DST: variants seen among roughly 807,000 people sequenced by gnomAD.
DST encodes dystonin.
DST carries 253 observed loss-of-function variants against 875.2 expected under a neutral mutation model. The ratio of observed to expected loss-of-function variants is 0.29; its 90% CI spans 0.26 to 0.32. The LOEUF is 0.32. Ranked by LOEUF, DST falls within the 10% of genes least tolerant of loss-of-function variation. The pLI, the probability that DST is intolerant of heterozygous loss-of-function variation, is 1.00. For missense variants in DST, 8,287 were observed against 9,111.6 expected (o/e 0.91, Z 3.68); for synonymous variants, 3,124 against 3,197.1 (o/e 0.98, Z 0.77).
At chr6:56,744,237 CTCTAAA>C (rs1383063557) in intron 4 of DST, among the ~76,000 whole-genome samples, 2 of 151,450 alleles carry the variant, frequency 1.3e-5, no homozygotes, top group Non-Finnish European at 2.9e-5. Flanking sequence ...AGCTTAATGA[CTCTAAA>C]GAGTGGAGGG....
In DST at chr6:56,601,471, T is replaced by C; in HGVS notation, c.11513A>G (p.His3838Arg). 1 of 1,601,232 alleles carries C rather than the reference T, an allele frequency of 6.2e-7. No homozygotes were observed. The highest frequency in any genetic ancestry group is 8.5e-7 in the Non-Finnish European group (1 of 1,173,592). Residue 3838 changes from histidine (H) to arginine (R), a missense_variant, in exon 44 of 104, where the codon CAT (histidine) becomes CGT (arginine). His to Arg is a conservative substitution (Grantham distance 29, BLOSUM62 0). Coordinates refer to ENST00000680361, the MANE Select transcript of DST (RefSeq NM_001374736.1). Reference protein sequence around the residue: ...TQVERLETQLHLEQDLDDQKI... With the variant: ...TQVERLETQLRLEQDLDDQKI... ...CTGATCATCAAGATCTTGTTCTAGA[T>C]GTAACTGAGTCTCTAAACGTTCCAC... is the stretch of plus-strand genomic sequence containing the variant.
intron 13 of DST, among the ~76,000 whole-genome samples, chr6:56,648,173 T>C (rs114830211): frequency 0.012 from 1,895 of 152,144 alleles, 32 homozygotes; most frequent in African/African-American, 0.043. Context: ...AAAGAAGCAG[T>C]TTTTAACAGG....
Position 56,609,033 on chromosome 6 carries a change from T to C in DST, c.5595A>G (p.Thr1865=). The change falls in exon 40 of 104, where the codon ACA becomes ACG. Residue 1865 remains threonine (T), a synonymous_variant. Coordinates refer to ENST00000680361, the MANE Select transcript of DST (RefSeq NM_001374736.1). ...VLDALAQSMI[T]ESMAIKVLEI... Reference sequence around the variant, plus strand: ...CAAGAACTTTGATGGCCATGGATTCTGTTATCATGCTTTGAGCTAGAGCAT... The same window carrying C: ...CAAGAACTTTGATGGCCATGGATTCCGTTATCATGCTTTGAGCTAGAGCAT... 1 of 1,613,868 alleles carries C rather than the reference T, an allele frequency of 6.2e-7. No homozygotes were observed. Among genetic ancestry groups the C allele is most frequent in the Non-Finnish European group, 8.5e-7 (1 of 1,179,798 alleles).
intron 4 of DST, among the ~76,000 whole-genome samples, chr6:56,780,688 C>T (rs555471488): frequency 1.3e-5 from 2 of 151,216 alleles, no homozygotes; most frequent in Non-Finnish European, 3.0e-5. Context: ...CCTGTTCACT[C>T]TGATGGTAGT....
intron 4 of DST, among the ~76,000 whole-genome samples, chr6:56,824,375 G>A (rs13211879): frequency 0.12 from 18,149 of 152,196 alleles, 1,531 homozygotes; most frequent in Non-Finnish European, 0.18. Context: ...CCTCCCAGCC[G>A]CCTGCCTTGG....
At chr6:56,797,285 C>A (rs1350663084) in intron 4 of DST, among the ~76,000 whole-genome samples, 1 of 152,154 alleles carries the variant, frequency 6.6e-6, no homozygotes, top group African/African-American at 2.4e-5. Context: ...TGGCCTCTCT[C>A]CCTTTCCTCA....
At chr6:56,635,030 A>T (rs1042853718) in intron 24 of DST, 77 bp from the exon 25 acceptor site, 3 of 1,241,866 alleles carry the variant, frequency 2.4e-6, no homozygotes, top group Non-Finnish European at 3.5e-6. Context: ...ACACAAATTA[A>T]ACTTCATCAG....
At chr6:56,600,293 T>C (rs1023822722) in intron 44 of DST, 72 bp from the exon 45 acceptor site, 4 of 1,421,434 alleles carry the variant, frequency 2.8e-6, no homozygotes, top group Non-Finnish European at 3.9e-6. Flanking sequence ...TAGCTTCTTA[T>C]TAGAACACAT....
intron 69 of DST, among the ~76,000 whole-genome samples, chr6:56,525,542 G>T (rs996384364): frequency 3.3e-5 from 5 of 152,164 alleles, no homozygotes; most frequent in African/African-American, 1.2e-4. Flanking sequence ...CACAGAATCA[G>T]CTTGATTTAT....
At chr6:56,716,894 G>C (rs2099396398) in intron 5 of DST, among the ~76,000 whole-genome samples, 1 of 152,080 alleles carries the variant, frequency 6.6e-6, no homozygotes, top group African/African-American at 2.4e-5. Context: ...TAACAAGCAT[G>C]CAACCGACCG....
intron 2 of DST, among the ~76,000 whole-genome samples, chr6:56,916,778 T>TCACACACACACACACA (rs70989742): frequency 1.6e-4 from 15 of 91,352 alleles, no homozygotes; most frequent in East Asian, 3.5e-4. Flanking sequence ...TCTCTCTCTC[T>TCACACACACACACACA]CACACACACA....
intron 4 of DST, among the ~76,000 whole-genome samples, chr6:56,751,477 T>TTTAA (rs2099586940): frequency 6.6e-6 from 1 of 152,238 alleles, no homozygotes. Flanking sequence ...CAGCAGGCAT[T>TTTAA]CTTGTGATAT....
chr6:56,621,836 G>C (rs2098692822), intron 36 of DST, among the ~76,000 whole-genome samples: 1 of 152,160 alleles, frequency 6.6e-6, no homozygotes, highest in Non-Finnish European at 1.5e-5. Context: ...TCATTGAGAA[G>C]CTTTGGTGAA....
intron 93 of DST, among the ~76,000 whole-genome samples, chr6:56,472,669 C>T (rs148384705): frequency 6.6e-6 from 1 of 152,174 alleles, no homozygotes; most frequent in South Asian, 2.1e-4. Context: ...GCAGCAGGCA[C>T]TGGGCAGTCA....
intron 49 of DST, among the ~76,000 whole-genome samples, chr6:56,585,413 T>C (rs1216589470): frequency 6.6e-6 from 1 of 152,194 alleles, no homozygotes; most frequent in African/African-American, 2.4e-5. Flanking sequence ...TGATGGTAGT[T>C]TGTATTTCTG....
intron 4 of DST, among the ~76,000 whole-genome samples, chr6:56,811,229 G>A (rs1237545153): frequency 7.1e-6 from 1 of 140,302 alleles, no homozygotes; most frequent in African/African-American, 2.6e-5. Flanking sequence ...TGGGGAGCAT[G>A]TTCCCAGCCC....
At chr6:56,847,480 G>A (rs1300705727) in intron 4 of DST, among the ~76,000 whole-genome samples, 1 of 152,096 alleles carries the variant, frequency 6.6e-6, no homozygotes, top group Admixed American at 6.5e-5. Context: ...TAGTCCAGTT[G>A]CCTCAGGATT....
intron 63 of DST, 41 bp from the exon 64 acceptor site, chr6:56,532,551 T>C (rs1282027289): frequency 4.0e-6 from 6 of 1,511,092 alleles, no homozygotes; most frequent in African/African-American, 2.8e-5. Flanking sequence ...AAGGGAATAA[T>C]TGTATGAATA....
At chr6:56,827,021 G>A (rs1028242460) in intron 4 of DST, among the ~76,000 whole-genome samples, 4 of 152,100 alleles carry the variant, frequency 2.6e-5, no homozygotes, top group South Asian at 2.1e-4. Flanking sequence ...ACTACTCCTA[G>A]TTTTTTAAAA....
Sources: allele counts gnomAD v4.1 joint callset (sites outside exome capture counted in the v4.1 genomes callset), GRCh38; gene constraint gnomAD v4.1.1; transcripts MANE v1.5; gene names NCBI Gene and HGNC (gene_info 2026-07-23, HGNC 2026-07-21).